Variants in BEND7 observed in about 807,000 individuals in gnomAD.
BEND7 encodes BEN domain-containing protein 7.
BEND7 carries 28 observed loss-of-function variants against 50.9 expected under a neutral mutation model. The observed-to-expected ratio is 0.55, with a 90% CI of 0.41 to 0.75. The LOEUF (loss-of-function observed/expected upper bound fraction) is 0.75. BEND7 is among the 30% of genes least tolerant of loss of function. The pLI, the probability that BEND7 is intolerant of heterozygous loss-of-function variation, is 0.00. For synonymous variants in BEND7, 170 were observed against 183.9 expected (o/e 0.92, Z 0.61); for missense variants, 477 against 491.3 (o/e 0.97, Z 0.28).
At chr10:13,445,676 C>A (rs1836167566) in intron 8 of BEND7, 1 of 152,226 alleles carries the variant, frequency 6.6e-6, no homozygotes, top group Non-Finnish European at 1.5e-5. Context: ...TCTTCTAGCA[C>A]CCTCTGACCT....
At chr10:13,476,002 G>A (rs1249550516) in intron 6 of BEND7, among the ~76,000 whole-genome samples, 1 of 152,160 alleles carries the variant, frequency 6.6e-6, no homozygotes, top group Admixed American at 6.5e-5. Context: ...TTCTGAGAAC[G>A]CAGATAAGTT....
intron 2 of BEND7, among the ~76,000 whole-genome samples, chr10:13,508,246 A>G (rs1459056013): frequency 6.6e-6 from 1 of 152,238 alleles, no homozygotes; most frequent in Non-Finnish European, 1.5e-5. Context: ...AGGGACACAC[A>G]AGACTGGGAG....
downstream of BEND7, among the ~76,000 whole-genome samples, chr10:13,440,372 C>T (rs1005119633): frequency 2.6e-5 from 4 of 152,224 alleles, no homozygotes; most frequent in African/African-American, 7.2e-5. Flanking sequence ...CGGACACCTG[C>T]AAGACTCACG....
At chr10:13,471,363 A>G (rs1295265216) in intron 6 of BEND7, among the ~76,000 whole-genome samples, 1 of 152,264 alleles carries the variant, frequency 6.6e-6, no homozygotes, top group Non-Finnish European at 1.5e-5. Context: ...GTATCTGAAA[A>G]GCAGCAAAGA....
At chr10:13,487,655 G>A (rs1240722474) in intron 5 of BEND7, among the ~76,000 whole-genome samples, 1 of 152,042 alleles carries the variant, frequency 6.6e-6, no homozygotes, top group African/African-American at 2.4e-5. Context: ...CAAAGTGCTA[G>A]GATTACAGGC....
intron 6 of BEND7, among the ~76,000 whole-genome samples, chr10:13,455,107 G>C: frequency 6.6e-6 from 1 of 152,128 alleles, no homozygotes; most frequent in Non-Finnish European, 1.5e-5. Flanking sequence ...GAGAGATGGA[G>C]GTTGCAGTGA....
chr10:13,470,079 G>A lies in BEND7; in HGVS notation c.1063+10820C>T, dbSNP rs144802783. ...AAACAATTCTGCTTCCCCACAAAAG[G>A]AGAGAAAATAGGAGGATGTGGCATT... On this transcript the variant is annotated intron_variant, in intron 6 of 8. Transcript: ENST00000466271. Among the ~76,000 whole-genome samples the A allele has an allele frequency of 4.4e-3, 675 of 152,316 alleles. 6 individuals are homozygous for A. Among genetic ancestry groups the A allele is most frequent in the African/African-American group, 0.015 (614 of 41,560 alleles).
chr10:13,526,705 T>G (rs2079474593), intron 1 of BEND7, among the ~76,000 whole-genome samples: 1 of 152,206 alleles, frequency 6.6e-6, no homozygotes, highest in African/African-American at 2.4e-5. Context: ...AATACTGATT[T>G]GTTATTTCAA....
chr10:13,479,870 ATT>A (rs957619299), intron 6 of BEND7, among the ~76,000 whole-genome samples: 1 of 152,204 alleles, frequency 6.6e-6, no homozygotes, highest in African/African-American at 2.4e-5. Context: ...ATACCGTATT[ATT>A]TTATAAAGTT....
At chr10:13,499,664 A>T in intron 3 of BEND7, 114 bp downstream of exon 3, 4 of 1,254,584 alleles carry the variant, frequency 3.2e-6, no homozygotes, top group Non-Finnish European at 4.3e-6. Context: ...TAACTCAGCA[A>T]AGGCAGGTAA....
chr10:13,470,395 A>G (rs2074694193), intron 6 of BEND7, among the ~76,000 whole-genome samples: 1 of 152,214 alleles, frequency 6.6e-6, no homozygotes, highest in South Asian at 2.1e-4. Flanking sequence ...CTCCAGAAAC[A>G]TATCTCTTTT....
At chr10:13,439,142 TACAC>T, downstream of BEND7, 1 of 1,531,636 alleles carries the variant, frequency 6.5e-7, no homozygotes, top group Non-Finnish European at 8.9e-7. Flanking sequence ...AGATGGGTGA[TACAC>T]ACACACATAA....
chr10:13,482,408 C>G (rs965892957), intron 5 of BEND7, among the ~76,000 whole-genome samples: 2 of 152,360 alleles, frequency 1.3e-5, no homozygotes, highest in African/African-American at 4.8e-5. Flanking sequence ...CTCCTATTCA[C>G]CACTCTGCAA....
Position 13,441,104 on chromosome 10 carries a change from T to A in BEND7, c.*639A>T, listed in dbSNP as rs1835255264. The A allele has an allele frequency of 1.0e-6, 1 of 985,268 alleles. No homozygotes were observed. The highest frequency in any genetic ancestry group is 1.7e-5 in the African/African-American group (1 of 57,248). The allele number at this position is 985,268 out of a possible 1,614,324, so 61.0% of individuals were successfully genotyped here. On this transcript the variant is annotated 3_prime_UTR_variant, in exon 9 of 9. Transcript: ENST00000466271. ...GCACGCACGTTCAATTAAAGTAATT[T>A]ATTGTATTCTTCCAGATCAGACATA... is the stretch of plus-strand genomic sequence containing the variant.
chr10:13,520,554 G>C (rs1279301985), intron 2 of BEND7, among the ~76,000 whole-genome samples: 1 of 152,130 alleles, frequency 6.6e-6, no homozygotes, highest in Non-Finnish European at 1.5e-5. Flanking sequence ...GAGAAGTTAC[G>C]TACTGAGATC....
intron 6 of BEND7, among the ~76,000 whole-genome samples, chr10:13,473,371 G>A (rs2075094542): frequency 1.3e-5 from 2 of 150,136 alleles, no homozygotes; most frequent in African/African-American, 2.5e-5. Context: ...TATCGTCATC[G>A]CTGTGAGACT....
At position 13,452,628 on chromosome 10, in the gene BEND7, T is replaced by A; in HGVS notation, c.1094A>T (p.His365Leu). 1.2e-6 allele frequency: 2 copies of A among 1,612,404 alleles called. No homozygotes were observed. The highest frequency in any genetic ancestry group is 1.7e-6 in the Non-Finnish European group (2 of 1,178,832). ...TCTTGGGCCAGGAAGCTTATCCACA[T>A]GGTTAGCTGTACAGTACTTTTCTGT... is the stretch of plus-strand genomic sequence containing the variant. ...VFTEKYCTAN[H>L]VDKLPGPRDW... Residue 365 changes from histidine to leucine, a missense_variant, in exon 7 of 9, where the codon CAT (histidine) becomes CTT (leucine). By Grantham distance (99) the His-to-Leu change is moderately conservative (BLOSUM62 -3). This residue lies in a region of BEND7 where 64 missense variants were observed against 68.5 expected (regional missense o/e 0.93). Transcript: ENST00000466271.
At chr10:13,473,208 A>G (rs930301664) in intron 6 of BEND7, among the ~76,000 whole-genome samples, 3 of 151,584 alleles carry the variant, frequency 2.0e-5, no homozygotes, top group African/African-American at 7.3e-5. Context: ...CGGGGCCAAT[A>G]CTCGTCATCA....
chr10:13,458,265 T>G (rs1251003992), intron 6 of BEND7, among the ~76,000 whole-genome samples: 2 of 152,232 alleles, frequency 1.3e-5, no homozygotes, highest in African/African-American at 4.8e-5. Context: ...CCTCATGTAA[T>G]CATCATCAAG....
Sources: gnomAD v4.1 joint callset for allele counts (sites outside exome capture counted in the v4.1 genomes callset) on GRCh38, gnomAD v4.1.1 for gene constraint, gnomAD v4.1.1 regional missense constraint, MANE v1.5 for transcripts, NCBI Gene and HGNC (gene_info 2026-07-23, HGNC 2026-07-21) for gene names.